Variants in A2ML1 observed in about 807,000 individuals in gnomAD.
The protein encoded by A2ML1 is alpha-2-macroglobulin like 1, also known as alpha-2-macroglobulin-like protein 1.
In A2ML1, 161 loss-of-function variants were observed where a neutral mutation model predicts 181.9. The ratio of observed to expected loss-of-function variants is 0.89; its 90% confidence interval spans 0.78 to 1.01. The LOEUF (loss-of-function observed/expected upper bound fraction) is 1.01, where lower values mean the gene tolerates loss of function less well. A2ML1 is among the 50% of genes least tolerant of loss of function. The pLI is 0.00. For synonymous variants in A2ML1, 663 were observed against 666.8 expected, an observed-to-expected ratio of 0.99 and a Z score of 0.09; for missense variants, 1,670 against 1,768.1, an observed-to-expected ratio of 0.94 and a Z score of 1.00.
At chr12:8,868,129 C>T in intron 30 of A2ML1, 72 bp downstream of exon 30, 1 of 1,603,214 alleles carries the variant, frequency 6.2e-7, no homozygotes, top group South Asian at 1.1e-5. Context: ...CTTAGGCCTT[C>T]TCTCTCTCTT....
intron 4 of A2ML1, among the ~76,000 whole-genome samples, chr12:8,832,813 C>T (rs1943159444): frequency 6.6e-6 from 1 of 152,062 alleles, no homozygotes; most frequent in East Asian, 1.9e-4. Context: ...TCACTGTCAT[C>T]GTTTCCTCAG....
chr12:8,887,168 C>CA (rs144347238), downstream of A2ML1, among the ~76,000 whole-genome samples: 44,817 of 150,108 alleles, frequency 0.3, 7,192 homozygotes, highest in Admixed American at 0.4. Flanking sequence ...CAAAACGAAA[C>CA]AAAAAAAACA....
chr12:8,855,910 CTG>C (rs1296115338), intron 23 of A2ML1, among the ~76,000 whole-genome samples: 1 of 152,096 alleles, frequency 6.6e-6, no homozygotes, highest in Non-Finnish European at 1.5e-5. Context: ...ATTTTCAAAA[CTG>C]AGGAATTTGG....
rs1184359802 is a variant in A2ML1, at chr12:8,829,753, A to G, written c.436A>G (p.Ser146Gly). ...QVYFRIVTMD[S>G]NFVPVNDKYS... ...GTATTTCCGCATTGTCACCATGGATAGCAACTTCGTTCCAGTGAATGACAA... is the reference window on the plus strand; with the variant it reads ...GTATTTCCGCATTGTCACCATGGATGGCAACTTCGTTCCAGTGAATGACAA... The change falls in exon 4 of 36, where the codon AGC becomes GGC. Residue 146 changes from serine (S) to glycine (G), a missense_variant. Ser to Gly is a moderately conservative substitution (Grantham distance 56). Coordinates refer to ENST00000299698, the MANE Select transcript of A2ML1 (RefSeq NM_144670.6). 1 of 1,613,970 alleles carries G rather than the reference A, an allele frequency of 6.2e-7. No individual in the cohort carries two copies. Among genetic ancestry groups the G allele is most frequent in the South Asian group, 1.1e-5 (1 of 91,064 alleles).
At chr12:8,838,054 AGAGTCTGC>A (rs1943346880) in intron 8 of A2ML1, among the ~76,000 whole-genome samples, 1 of 152,218 alleles carries the variant, frequency 6.6e-6, no homozygotes, top group Non-Finnish European at 1.5e-5. Flanking sequence ...GGAGTGTTTT[AGAGTCTGC>A]CTTGGAACCA....
intron 3 of A2ML1, among the ~76,000 whole-genome samples, chr12:8,827,116 A>T (rs1251589867): frequency 6.6e-6 from 1 of 152,066 alleles, no homozygotes; most frequent in Non-Finnish European, 1.5e-5. Flanking sequence ...TGAGGTGGGC[A>T]AATCACCTGA....
intron 12 of A2ML1, among the ~76,000 whole-genome samples, chr12:8,843,606 A>G (rs1698748346): frequency 6.6e-6 from 1 of 152,172 alleles, no homozygotes; most frequent in Admixed American, 6.5e-5. Context: ...GTTTTAATAG[A>G]TATTTTACAT....
At chr12:8,848,275 G>A (rs969240791) in intron 15 of A2ML1, among the ~76,000 whole-genome samples, 1 of 152,042 alleles carries the variant, frequency 6.6e-6, no homozygotes, top group Non-Finnish European at 1.5e-5. Context: ...GAGGTCTGGG[G>A]TTCAAGACCA....
chr12:8,844,873 G>A (rs1943612992), intron 12 of A2ML1: 2 of 664,348 alleles, frequency 3.0e-6, no homozygotes, highest in Non-Finnish European at 4.1e-6. Context: ...GGCGTCCAAG[G>A]AACCGACCTT....
Position 8,847,591 on chromosome 12 carries a change from G to C in A2ML1, c.1726G>C (p.Glu576Gln). ...CCCCTCCCAGCAGCTTCCAGGAGCA[G>C]AAGTGGAGCTGCAGCTGCAGGCAGC... ...FSPSQQLPGA[E>Q]VELQLQAAPG... is the part of the protein sequence containing the mutation. Residue 576 changes from glutamate (E) to glutamine (Q), a missense_variant, in exon 15 of 36, where the codon GAA becomes CAA. By Grantham distance (29) the Glu-to-Gln change is conservative (BLOSUM62 2). Coordinates refer to ENST00000299698, the MANE Select transcript of A2ML1 (RefSeq NM_144670.6). 2 of 1,613,550 alleles carry C rather than the reference G, an allele frequency of 1.2e-6. No homozygotes were observed. Among genetic ancestry groups the C allele is most frequent in the Non-Finnish European group, 1.7e-6 (2 of 1,179,762 alleles).
At chr12:8,825,888 T>G (rs1942913869) in intron 3 of A2ML1, among the ~76,000 whole-genome samples, 1 of 152,136 alleles carries the variant, frequency 6.6e-6, no homozygotes, top group South Asian at 2.1e-4. Context: ...GTCACCTTTG[T>G]CAAAAATGAG....
intron 4 of A2ML1, among the ~76,000 whole-genome samples, chr12:8,832,855 C>T (rs1164526658): frequency 6.6e-6 from 1 of 152,122 alleles, no homozygotes; most frequent in Non-Finnish European, 1.5e-5. Context: ...TTCATTTACA[C>T]AGCACAATAT....
chr12:8,849,909 T>C (rs1661390644), intron 17 of A2ML1, 150 bp downstream of exon 17: 1 of 760,870 alleles, frequency 1.3e-6, no homozygotes, highest in African/African-American at 1.8e-5. Context: ...GTTTCCCAAG[T>C]GTTCTCTCTC....
rs1943208030 is a variant in A2ML1, at chr12:8,834,427, TTCC to T, written c.463-233_463-231del. Among the ~76,000 whole-genome samples the T allele has an allele frequency of 2.0e-5, 3 of 152,166 alleles. No homozygotes were observed. In the South Asian group the frequency reaches 6.2e-4, roughly 32 times the overall value. ...CTTCAAATCTTTTGGAGACTGGCAA[TTCC>T]TTTGAGATTCCTGCCCCCACTCTTA... On this transcript the variant is annotated intron_variant, in intron 4 of 35. Coordinates refer to ENST00000299698, the MANE Select transcript of A2ML1 (RefSeq NM_144670.6).
chr12:8,870,621 C>T (rs1353244218), intron 33 of A2ML1, among the ~76,000 whole-genome samples: 1 of 152,188 alleles, frequency 6.6e-6, no homozygotes, highest in Non-Finnish European at 1.5e-5. Context: ...TGGCACTACC[C>T]TGTAATCATG....
intron 7 of A2ML1, among the ~76,000 whole-genome samples, chr12:8,884,231 G>GTTTTTTTTTTTTTTTTT (rs796251871): frequency 8.2e-6 from 1 of 121,560 alleles, no homozygotes. Flanking sequence ...TTTATTTTTT[G>GTTTTTTTTTTTTTTTTT]TTTTTTTTTG....
intron 23 of A2ML1, 131 bp downstream of exon 23, chr12:8,855,723 T>C: frequency 1.3e-6 from 1 of 758,624 alleles, no homozygotes; most frequent in Non-Finnish European, 2.2e-6. Flanking sequence ...AAAAAGAGCG[T>C]ATTTTATATA....
intron 7 of A2ML1, among the ~76,000 whole-genome samples, chr12:8,885,807 G>A (rs936781646): frequency 1.3e-5 from 2 of 152,066 alleles, no homozygotes; most frequent in Admixed American, 6.6e-5. Context: ...TGCTTTTTGC[G>A]CATGGTATGA....
intron 7 of A2ML1, among the ~76,000 whole-genome samples, chr12:8,883,582 A>T (rs1944890363): frequency 6.6e-6 from 1 of 151,250 alleles, no homozygotes; most frequent in African/African-American, 2.4e-5. Context: ...GGTTCAAGAG[A>T]TTCTCCTGCC....
Sources: gnomAD v4.1 joint callset for allele counts (sites outside exome capture counted in the v4.1 genomes callset) on GRCh38, gnomAD v4.1.1 for gene constraint, MANE v1.5 for transcripts, NCBI Gene and HGNC (gene_info 2026-07-23, HGNC 2026-07-21) for gene names.